The following TUT1 variants were observed in gnomAD, a reference collection of about 807,000 sequenced individuals.
TUT1 encodes terminal uridylyl transferase 1, U6 snRNA-specific.
Under a neutral mutation model 48.8 loss-of-function variants are expected in TUT1, and 26 were observed. The ratio of observed to expected loss-of-function variants is 0.53; its 90% confidence interval spans 0.39 to 0.74. The LOEUF (loss-of-function observed/expected upper bound fraction) is 0.74. Ranked by LOEUF, TUT1 falls within the 30% of genes least tolerant of loss-of-function variation. The probability of loss-of-function intolerance (pLI) is 0.00; values close to 1 mark genes in which losing one functional copy is unlikely to be tolerated. For missense variants in TUT1, 1,065 were observed against 1,114.8 expected (o/e 0.96, Z 0.64); for synonymous variants, 470 against 460.8 (o/e 1.02, Z -0.26).
Position 62,581,503 on chromosome 11 carries a change from C to G in TUT1, c.472G>C (p.Asp158His). Residue 158 changes from aspartate to histidine, a missense_variant, in exon 3 of 9, where the codon GAC becomes CAC. Asp to His is a moderately conservative substitution (Grantham distance 81). Transcript: ENST00000476907. Reference protein sequence around the residue: ...QLAKALAEAADVGAQMIKLVG... With the variant: ...QLAKALAEAAHVGAQMIKLVG... ...AGCTTTATCATTTGTGCCCCCACGT[C>G]TGCAGCCTCAGCTAGCGCTTTGGCC... is the stretch of plus-strand genomic sequence containing the variant. 2 of 1,614,236 alleles carry G rather than the reference C, an allele frequency of 1.2e-6. No individual in the cohort carries two copies. Among genetic ancestry groups the G allele is most frequent in the Non-Finnish European group, 1.7e-6 (2 of 1,180,052 alleles).
In TUT1 at chr11:62,586,713, C is replaced by G. The variant is rs544481609; in HGVS notation, c.273+2318G>C. Among the ~76,000 whole-genome samples, 5 of 151,598 alleles carry G rather than the reference C, an allele frequency of 3.3e-5. No individual in the cohort carries two copies. In the East Asian group the frequency reaches 6.0e-4, roughly 18 times the overall value. On this transcript the variant is annotated intron_variant, in intron 2 of 8. Coordinates refer to ENST00000476907, the MANE Select transcript of TUT1 (RefSeq NM_022830.3). ...GGCGGATCACCTGAGGTCAGAAGTT[C>G]GAGACCAGCCTGGCGAACATGGTGA...
Position 62,580,521 on chromosome 11 carries a change from T to A in TUT1, c.690+585A>T, listed in dbSNP as rs528875493. On this transcript the variant is annotated intron_variant, in intron 4 of 8. Transcript: ENST00000476907. ...CCTTATTGTATAATTTTAAATATAT[T>A]TTTTCCAAAATAAGATCATATTGCA... Among the ~76,000 whole-genome samples the A allele has an allele frequency of 1.3e-4, 20 of 151,920 alleles. No homozygotes were observed. In the South Asian group the frequency reaches 4.0e-3, roughly 30 times the overall value.
At chr11:62,579,657 A>C (rs1415202745) in intron 4 of TUT1, among the ~76,000 whole-genome samples, 1 of 151,738 alleles carries the variant, frequency 6.6e-6, no homozygotes, top group Non-Finnish European at 1.5e-5. Flanking sequence ...CTAAAAAATA[A>C]AGTCCATTTT....
At chr11:62,583,745 C>CA (rs1277946200) in intron 2 of TUT1, among the ~76,000 whole-genome samples, 1 of 152,174 alleles carries the variant, frequency 6.6e-6, no homozygotes, top group Admixed American at 6.5e-5. Context: ...AGCACCAAGA[C>CA]AGAGTGGTGC....
chr11:62,581,547 G>T lies in TUT1; in HGVS notation c.428C>A (p.Ala143Asp). 2 of 1,613,654 alleles carry T rather than the reference G, an allele frequency of 1.2e-6. No homozygotes were observed. Among genetic ancestry groups the T allele is most frequent in the Non-Finnish European group, 1.7e-6 (2 of 1,179,832 alleles). ...SPASKSPKGA[A>D]PDSHQLAKAL... ...TTTGGCCAGCTGGTGACTGTCGGGGGCCGCTCCTTTGGGGGATTTGGAGGC... is the reference window on the plus strand; with the variant it reads ...TTTGGCCAGCTGGTGACTGTCGGGGTCCGCTCCTTTGGGGGATTTGGAGGC... Residue 143 changes from alanine (A) to aspartate (D), a missense_variant, in exon 3 of 9, where the codon GCC becomes GAC. Transcript: ENST00000476907.
rs775815520 is a variant in TUT1, at chr11:62,576,058, T to A, written c.1661A>T (p.Asn554Ile). The change falls in exon 9 of 9, where the codon AAT becomes ATT. Residue 554 changes from asparagine to isoleucine, a missense_variant. Physicochemically the swap from Asn to Ile is moderately radical, Grantham distance 149. Transcript: ENST00000476907. ...PFDLSHNVAA[N>I]VTSRVAGRLQ... ...GCGCCCAGCCACCCGGCTGGTCACA[T>A]TGGCTGCGACATTGTGACTCAGGTC... 3.1e-6 allele frequency: 5 copies of A among 1,613,854 alleles called. No individual in the cohort carries two copies. Among genetic ancestry groups the A allele is most frequent in the Non-Finnish European group, 4.2e-6 (5 of 1,180,028 alleles).
Position 62,578,625 on chromosome 11 carries a change from G to A in TUT1, c.1096C>T (p.Arg366Cys), listed in dbSNP as rs1386738326. 3.3e-5 allele frequency: 53 copies of A among 1,613,964 alleles called. No individual in the cohort carries two copies. Among genetic ancestry groups the A allele is most frequent in the South Asian group, 3.3e-5 (3 of 91,078 alleles). Residue 366 changes from arginine to cysteine, a missense_variant, in exon 5 of 9, where the codon CGC becomes TGC. Transcript: ENST00000476907. ...YRVQTVPSARRPVVKFCHRPS... is the reference protein window; with the variant it reads ...YRVQTVPSARCPVVKFCHRPS... ...CGATGACAGAACTTGACCACAGGGC[G>A]CCGGGCAGAGGGCACAGTTTGGACT... is the stretch of plus-strand genomic sequence containing the variant.
intron 8 of TUT1, 168 bp from the exon 9 acceptor site, chr11:62,576,412 C>T: frequency 1.1e-6 from 1 of 895,870 alleles, no homozygotes; most frequent in South Asian, 1.8e-5. Context: ...GGTCAAACCT[C>T]TCTCCCTGCC....
intron 5 of TUT1, 79 bp from the exon 6 acceptor site, chr11:62,577,370 C>G (rs1232377520): frequency 3.5e-6 from 4 of 1,136,094 alleles, no homozygotes; most frequent in Non-Finnish European, 5.1e-6. Flanking sequence ...TCCAGACTTG[C>G]ATAACTGGAG....
chr11:62,588,330 G>A (rs1487708784), intron 2 of TUT1, among the ~76,000 whole-genome samples: 2 of 152,288 alleles, frequency 1.3e-5, no homozygotes, highest in South Asian at 2.1e-4. Context: ...GAGGTGCACG[G>A]ATCACCTGAG....
chr11:62,587,373 G>C (rs1451549516), intron 2 of TUT1, among the ~76,000 whole-genome samples: 2 of 151,984 alleles, frequency 1.3e-5, no homozygotes, highest in Non-Finnish European at 1.5e-5. Context: ...TAGAGACGGG[G>C]TTTCTCCATG....
intron 2 of TUT1, among the ~76,000 whole-genome samples, chr11:62,587,731 G>C (rs1941943940): frequency 6.6e-6 from 1 of 152,178 alleles, no homozygotes; most frequent in South Asian, 2.1e-4. Context: ...CATTCTAAAA[G>C]ATAACCTGGG....
intron 4 of TUT1, 21 bp from the exon 5 acceptor site, chr11:62,579,051 A>C: frequency 6.8e-7 from 1 of 1,478,412 alleles, no homozygotes. Flanking sequence ...AAATGAACTG[A>C]GTGAAATGTT....
chr11:62,583,249 T>C (rs1384195228), intron 2 of TUT1, among the ~76,000 whole-genome samples: 1 of 151,714 alleles, frequency 6.6e-6, no homozygotes, highest in Non-Finnish European at 1.5e-5. Flanking sequence ...ATAACAACTA[T>C]ATTGTTGTAA....
At chr11:62,576,447 G>T in intron 8 of TUT1, 1 of 789,532 alleles carries the variant, frequency 1.3e-6, no homozygotes, top group Non-Finnish European at 2.0e-6. Flanking sequence ...TTGCCCAGAT[G>T]CTGCTGCTCC....
chr11:62,578,568 T>C lies in TUT1; in HGVS notation c.1153A>G (p.Ser385Gly). The change falls in exon 5 of 9, where the codon AGT (serine) becomes GGT (glycine). Residue 385 changes from serine to glycine, a missense_variant. Ser to Gly is a moderately conservative substitution (Grantham distance 56). Transcript: ENST00000476907. Reference protein sequence around the residue: ...PSGLHGDVSLSNRLALHNSRF... With the variant: ...PSGLHGDVSLGNRLALHNSRF... ...CAAAAAAAAGAAAGGTACCGGTTAC[T>C]GAGGGAGACATCACCGTGGAGACCT... is the stretch of plus-strand genomic sequence containing the variant. 6.3e-7 allele frequency: 1 copy of C among 1,597,334 alleles called. No individual in the cohort carries two copies. The highest frequency in any genetic ancestry group is 8.5e-7 in the Non-Finnish European group (1 of 1,171,048).
intron 4 of TUT1, among the ~76,000 whole-genome samples, chr11:62,579,659 G>A (rs936761047): frequency 3.4e-5 from 5 of 149,212 alleles, no homozygotes; most frequent in Non-Finnish European, 7.4e-5. Context: ...AAAAAATAAA[G>A]TCCATTTTTT....
At chr11:62,579,963 G>A (rs377225729) in intron 4 of TUT1, among the ~76,000 whole-genome samples, 3 of 148,514 alleles carry the variant, frequency 2.0e-5, no homozygotes, top group Non-Finnish European at 3.0e-5. Flanking sequence ...CACCGCGCCC[G>A]GCCAAGTCTA....
In TUT1 at chr11:62,581,494, C is replaced by T. The variant is rs779840235; in HGVS notation, c.481G>A (p.Ala161Thr). ...KALAEAADVG[A>T]QMIKLVGLRE... ...AGCCCCACAAGCTTTATCATTTGTG[C>T]CCCCACGTCTGCAGCCTCAGCTAGC... Residue 161 changes from alanine (A) to threonine (T), a missense_variant, in exon 3 of 9, where the codon GCA (alanine) becomes ACA (threonine). Transcript: ENST00000476907. 1 of 1,614,140 alleles carries T rather than the reference C, an allele frequency of 6.2e-7. No individual in the cohort carries two copies. Among genetic ancestry groups the T allele is most frequent in the African/African-American group, 1.3e-5 (1 of 75,052 alleles).
Sources: gnomAD v4.1 joint callset for allele counts (sites outside exome capture counted in the v4.1 genomes callset) on GRCh38, gnomAD v4.1.1 for gene constraint, MANE v1.5 for transcripts, NCBI Gene and HGNC (gene_info 2026-07-23, HGNC 2026-07-21) for gene names.